SLC27A1: variants seen among roughly 807,000 people sequenced by gnomAD.
SLC27A1 encodes the protein long-chain fatty acid transport protein 1.
Under a neutral mutation model 62.2 loss-of-function variants are expected in SLC27A1, and 61 were observed. The ratio of observed to expected loss-of-function variants is 0.98; its 90% CI spans 0.80 to 1.21. The LOEUF is 1.21. Ranked by LOEUF, SLC27A1 falls within the 50% of genes most tolerant of loss-of-function variation. SLC27A1 has a pLI of 0.00. For synonymous variants in SLC27A1, 435 were observed against 408.6 expected (o/e 1.06, Z -0.78); for missense variants, 903 against 932.1 (o/e 0.97, Z 0.41).
intron 1 of SLC27A1, among the ~76,000 whole-genome samples, chr19:17,476,083 C>A (rs1247950188): frequency 1.3e-5 from 2 of 152,306 alleles, no homozygotes; most frequent in Non-Finnish European, 2.9e-5. Context: ...TGTGTTGCCT[C>A]TGGACGGGCA....
Position 17,505,603 on chromosome 19 carries a change from C to A in SLC27A1, c.*991C>A, listed in dbSNP as rs1264432284. 2 of 153,104 alleles carry A rather than the reference C, an allele frequency of 1.3e-5. No individual in the cohort carries two copies. The highest frequency in any genetic ancestry group is 2.9e-5 in the Non-Finnish European group (2 of 68,722). The allele number at this position is 153,104 out of a possible 1,614,324, so 9.5% of individuals were successfully genotyped here. On this transcript the variant is annotated 3_prime_UTR_variant, in exon 12 of 12. Transcript: ENST00000252595. ...ATTGACTGTGACCACTTGGATGTCA[C>A]CACTGTCAGCCCCTGCCTTGATGTC...
chr19:17,500,564 G>A lies in SLC27A1; in HGVS notation c.1403G>A (p.Ser468Asn), dbSNP rs755096863. 1 of 1,613,692 alleles carries A rather than the reference G, an allele frequency of 6.2e-7. No individual in the cohort carries two copies. Among genetic ancestry groups the A allele is most frequent in the South Asian group, 1.1e-5 (1 of 91,042 alleles). Reference protein sequence around the residue: ...DPLRRFDGYVSESATSKKIAH... With the variant: ...DPLRRFDGYVNESATSKKIAH... ...CTGCGCCGCTTCGATGGCTATGTCA[G>A]CGAGAGCGCCACCAGCAAGAAGATC... Residue 468 changes from serine (S) to asparagine (N), a missense_variant, in exon 9 of 12, where the codon AGC becomes AAC. Coordinates refer to ENST00000252595, the MANE Select transcript of SLC27A1 (RefSeq NM_198580.3).
intron 1 of SLC27A1, among the ~76,000 whole-genome samples, chr19:17,479,182 G>T (rs1371586341): frequency 2.6e-5 from 4 of 152,086 alleles, no homozygotes; most frequent in Non-Finnish European, 2.9e-5. Flanking sequence ...GAGGCAGGCG[G>T]ATCACCTGAG....
chr19:17,500,369 G>C lies in SLC27A1; in HGVS notation c.1298G>C (p.Arg433Pro). ...KVNEDTMELL[R>P]DAQGLCIPCQ... is the part of the protein sequence containing the mutation. The stretch of plus-strand genomic sequence containing the variant: ...AATGAGGACACAATGGAGCTGCTGC[G>C]GGATGCCCAGGGCCTCTGCATCCCC... The change falls in exon 8 of 12, where the codon CGG (arginine) becomes CCG (proline). Residue 433 changes from arginine to proline, a missense_variant. Coordinates refer to ENST00000252595, the MANE Select transcript of SLC27A1 (RefSeq NM_198580.3). 1 of 1,614,140 alleles carries C rather than the reference G, an allele frequency of 6.2e-7. No individual in the cohort carries two copies. The highest frequency in any genetic ancestry group is 8.5e-7 in the Non-Finnish European group (1 of 1,180,008).
At position 17,498,815 on chromosome 19, in the gene SLC27A1, G is replaced by T. The variant is rs148626204; in HGVS notation, c.1206+1351G>T. 3.4e-3 allele frequency: 538 copies of T among 157,430 alleles called. 3 individuals are homozygous for T. The highest frequency in any genetic ancestry group is 0.016 in the Middle Eastern group (5 of 316). The allele number at this position is 157,430 out of a possible 1,614,324, so 9.8% of individuals were successfully genotyped here. A position where few individuals can be genotyped will look rare whatever the true frequency, so the allele number is the denominator to read the frequency against. On this transcript the variant is annotated intron_variant, in intron 7 of 11. Transcript: ENST00000252595. ...ACGTGGGTCATGCGTCCACTGGACA[G>T]GGGGCCCTTCCCTGCCTGGCAGCCG...
intron 6 of SLC27A1, among the ~76,000 whole-genome samples, chr19:17,491,366 A>G (rs183989112): frequency 2.0e-5 from 3 of 151,108 alleles, no homozygotes; most frequent in East Asian, 3.9e-4. Flanking sequence ...TCCTGCCTCT[A>G]TGATTTGCCT....
intron 1 of SLC27A1, among the ~76,000 whole-genome samples, chr19:17,474,781 C>G (rs1278303284): frequency 6.6e-6 from 1 of 151,988 alleles, no homozygotes; most frequent in Non-Finnish European, 1.5e-5. Context: ...CCGGCATGCA[C>G]CACCACGCCC....
chr19:17,479,416 G>T (rs1055744638), intron 1 of SLC27A1, among the ~76,000 whole-genome samples: 1 of 152,040 alleles, frequency 6.6e-6, no homozygotes, highest in South Asian at 2.1e-4. Flanking sequence ...AGCCTGCAGC[G>T]GGGGGCCCCA....
rs532841220 is a variant in SLC27A1, at chr19:17,497,372, G to C, written c.1114G>C (p.Glu372Gln). ...GAACGGGCTGCGTCCTGCCATCTGGGAGGAGTTCACGGAGCGCTTCGGCGT... is the reference window on the plus strand; with the variant it reads ...GAACGGGCTGCGTCCTGCCATCTGGCAGGAGTTCACGGAGCGCTTCGGCGT... ...VGNGLRPAIWEEFTERFGVRQ... is the reference protein window; with the variant it reads ...VGNGLRPAIWQEFTERFGVRQ... Residue 372 changes from glutamate (E) to glutamine (Q), a missense_variant, in exon 7 of 12, where the codon GAG becomes CAG. Coordinates refer to ENST00000252595, the MANE Select transcript of SLC27A1 (RefSeq NM_198580.3). 2 of 1,603,874 alleles carry C rather than the reference G, an allele frequency of 1.2e-6. No individual in the cohort carries two copies. The highest frequency in any genetic ancestry group is 1.7e-4 in the Middle Eastern group (1 of 6,000).
intron 7 of SLC27A1, 167 bp downstream of exon 7, chr19:17,497,631 A>G: frequency 1.5e-6 from 1 of 674,436 alleles, no homozygotes; most frequent in Non-Finnish European, 2.6e-6. Context: ...CTCCCGGTGC[A>G]CCACCAGAGG....
At chr19:17,478,342 C>G (rs2075144084) in intron 1 of SLC27A1, among the ~76,000 whole-genome samples, 1 of 151,152 alleles carries the variant, frequency 6.6e-6, no homozygotes, top group Admixed American at 6.6e-5. Flanking sequence ...TGGCAGGCAC[C>G]TGTGGTCCCA....
chr19:17,503,051 A>T (rs1306573019), intron 11 of SLC27A1, among the ~76,000 whole-genome samples: 1 of 152,198 alleles, frequency 6.6e-6, no homozygotes, highest in Non-Finnish European at 1.5e-5. Flanking sequence ...AGGGCAAGAG[A>T]GTGTGTGCAA....
Position 17,486,600 on chromosome 19 carries a change from C to G in SLC27A1, c.205C>G (p.Arg69Gly). ...GCTGATCCGCGTGCGCCTGGAGCTG[C>G]GGCGGCACCAGCGTGCCGGCCACAC... ...SVLIRVRLEL[R>G]RHQRAGHTIP... The change falls in exon 2 of 12, where the codon CGG becomes GGG. Residue 69 changes from arginine (R) to glycine (G), a missense_variant. Physicochemically the swap from Arg to Gly is moderately radical, Grantham distance 125 (BLOSUM62 -2). Coordinates refer to ENST00000252595, the MANE Select transcript of SLC27A1 (RefSeq NM_198580.3). This position sits in a 1 kb window ranked among gnomAD's most constrained non-coding sequence, Gnocchi z 6.6. 6.3e-7 allele frequency: 1 copy of G among 1,593,384 alleles called. No homozygotes were observed. Among genetic ancestry groups the G allele is most frequent in the Non-Finnish European group, 8.5e-7 (1 of 1,176,800 alleles).
intron 7 of SLC27A1, chr19:17,498,239 G>C (rs1320436261): frequency 6.6e-6 from 1 of 152,046 alleles, no homozygotes; most frequent in Non-Finnish European, 1.5e-5. Context: ...CATGGTGGCA[G>C]GTGCCTGTAG....
In SLC27A1 at chr19:17,486,937, T is replaced by G; in HGVS notation, c.542T>G (p.Phe181Cys). Residue 181 changes from phenylalanine to cysteine, a missense_variant, in exon 2 of 12, where the codon TTT becomes TGT. Phe to Cys is a radical substitution (Grantham distance 205, BLOSUM62 -2). Transcript: ENST00000252595. The surrounding 1 kb of genome is among the most constrained non-coding windows in gnomAD (Gnocchi z 6.6). Reference sequence around the variant, plus strand: ...ACCTCGGGCGCTAAGGCCCTGATCTTTGGAGGAGAAATGGTGGCGGGTGAG... The same window carrying G: ...ACCTCGGGCGCTAAGGCCCTGATCTGTGGAGGAGAAATGGTGGCGGGTGAG... ...LGTSGAKALI[F>C]GGEMVAAVAE... is the part of the protein sequence containing the mutation. 2 of 1,583,500 alleles carry G rather than the reference T, an allele frequency of 1.3e-6. No homozygotes were observed. Among genetic ancestry groups the G allele is most frequent in the Non-Finnish European group, 1.7e-6 (2 of 1,171,964 alleles).
Position 17,502,335 on chromosome 19 carries a change from G to GTTTTTTTTTTTTTTT in SLC27A1, c.1783+924_1783+925insTTTTTTTTTTTTTTT, listed in dbSNP as rs1175394305. 3.6e-4 allele frequency among the ~76,000 whole-genome samples: 27 copies of GTTTTTTTTTTTTTTT among 75,900 alleles called. 8 individuals are homozygous for GTTTTTTTTTTTTTTT. Among genetic ancestry groups the GTTTTTTTTTTTTTTT allele is most frequent in the Non-Finnish European group, 6.7e-4 (27 of 40,074 alleles). The allele number at this position is 75,900 out of a possible 152,430, so 49.8% of individuals were successfully genotyped here. ...CTGCCACTAAGCATTCTGAAATAGT[G>GTTTTTTTTTTTTTTT]TTTTTTTTGTTTTTTTTTTTTTTTT... On this transcript the variant is annotated intron_variant, in intron 11 of 11. Coordinates refer to ENST00000252595, the MANE Select transcript of SLC27A1 (RefSeq NM_198580.3).
At chr19:17,477,040 C>G (rs1316304695) in intron 1 of SLC27A1, among the ~76,000 whole-genome samples, 1 of 151,490 alleles carries the variant, frequency 6.6e-6, no homozygotes, top group Non-Finnish European at 1.5e-5. Context: ...AGGTGCCCAC[C>G]ACCACACCTG....
intron 7 of SLC27A1, chr19:17,497,707 T>C (rs11672333): frequency 0.34 from 184,545 of 550,504 alleles, 32,243 homozygotes; most frequent in South Asian, 0.4. Context: ...AGTTGGAGGA[T>C]AGGTATGGCT....
chr19:17,498,444 A>G, intron 7 of SLC27A1: 1 of 155,842 alleles, frequency 6.4e-6, no homozygotes, highest in Non-Finnish European at 1.4e-5. Context: ...CTCCTTCCTC[A>G]GTGTGCTTGG....
Sources: gnomAD v4.1 joint callset for allele counts (sites outside exome capture counted in the v4.1 genomes callset) on GRCh38, gnomAD v4.1.1 for gene constraint, Gnocchi (gnomAD v3.1) non-coding constraint, MANE v1.5 for transcripts, NCBI Gene and HGNC (gene_info 2026-07-23, HGNC 2026-07-21) for gene names.